The following ASAP2 variants were observed in gnomAD, a reference collection of about 807,000 sequenced individuals.
The protein encoded by ASAP2 is arf-GAP with SH3 domain, ANK repeat and PH domain-containing protein 2.
ASAP2 carries 45 observed loss-of-function variants against 131.4 expected under a neutral mutation model. The ratio of observed to expected loss-of-function variants is 0.34; its 90% CI spans 0.27 to 0.44. The LOEUF (loss-of-function observed/expected upper bound fraction) is 0.44. Among genes scored for constraint, ASAP2 ranks in the 20% least tolerant of loss-of-function variants. The pLI is 1.00. For missense variants in ASAP2, 1,011 were observed against 1,297.0 expected (o/e 0.78, Z 3.39); for synonymous variants, 510 against 503.0 (o/e 1.01, Z -0.19).
At chr2:9,278,613 A>C (rs1046777012) in intron 1 of ASAP2, among the ~76,000 whole-genome samples, 5 of 152,192 alleles carry the variant, frequency 3.3e-5, no homozygotes, top group Admixed American at 2.0e-4. Flanking sequence ...TAGTCGTTGA[A>C]CAGATAACTG....
At chr2:9,391,225 C>A in intron 23 of ASAP2, 29 bp downstream of exon 23, 1 of 1,592,532 alleles carries the variant, frequency 6.3e-7, no homozygotes, top group Non-Finnish European at 8.6e-7. Flanking sequence ...TCCTTTCTTG[C>A]CCGTGGGCTT....
intron 1 of ASAP2, among the ~76,000 whole-genome samples, chr2:9,272,370 CTATT>C (rs1451799332): frequency 6.6e-6 from 1 of 151,954 alleles, no homozygotes; most frequent in African/African-American, 2.4e-5. Context: ...GGAGATATGT[CTATT>C]TATATCTTTT....
Position 9,207,152 on chromosome 2 carries a change from G to T in ASAP2, c.48G>T (p.Glu16Asp). ...SVSEFVAETH[E>D]DYKAPTASSF... ...CGGAATTCGTGGCCGAGACCCATGA[G>T]GACTACAAGGCGCCCACGGCCTCCA... Residue 16 changes from glutamate to aspartate, a missense_variant, in exon 1 of 28, where the codon GAG becomes GAT. Physicochemically the swap from Glu to Asp is conservative, Grantham distance 45 (BLOSUM62 2). Around this residue, in one of 2 missense-constraint regions of ASAP2, gnomAD observed 359 missense variants for 598.1 expected, o/e 0.60. Coordinates refer to ENST00000281419, the MANE Select transcript of ASAP2 (RefSeq NM_003887.3). The surrounding 1 kb of genome is among the most constrained non-coding windows in gnomAD (Gnocchi z 4.1). The T allele has an allele frequency of 6.2e-7, 1 of 1,605,708 alleles. No individual in the cohort carries two copies.
At chr2:9,250,877 CA>C (rs1224931464) in intron 1 of ASAP2, among the ~76,000 whole-genome samples, 1 of 152,210 alleles carries the variant, frequency 6.6e-6, no homozygotes, top group Non-Finnish European at 1.5e-5. Context: ...GGTGGAAATA[CA>C]GAAATAGACA....
chr2:9,252,807 TC>T (rs1664812073), intron 1 of ASAP2, among the ~76,000 whole-genome samples: 2 of 149,978 alleles, frequency 1.3e-5, no homozygotes, highest in African/African-American at 4.9e-5. Flanking sequence ...TCCCAGCTAC[TC>T]GGGAGGCTGA....
chr2:9,329,958 C>T (rs1670722080), intron 7 of ASAP2, among the ~76,000 whole-genome samples: 1 of 152,200 alleles, frequency 6.6e-6, no homozygotes, highest in Admixed American at 6.5e-5. Flanking sequence ...TGCTTGTCTC[C>T]ATGATGACAT....
intron 2 of ASAP2, among the ~76,000 whole-genome samples, chr2:9,282,194 G>C (rs900656384): frequency 3.9e-5 from 6 of 152,160 alleles, no homozygotes; most frequent in African/African-American, 1.4e-4. Context: ...TGTGACCTTG[G>C]AGGGGGTCTC....
In ASAP2 at chr2:9,358,939, T is replaced by G. The variant is rs376268191; in HGVS notation, c.1461+50T>G. The stretch of plus-strand genomic sequence containing the variant: ...GATTGGAAACAAATGAGCTGTAAGC[T>G]AAATTTTACTTTTGGCATTCTAATC... On this transcript the variant is annotated intron_variant, in intron 15 of 27. Transcript: ENST00000281419. 6 of 1,561,082 alleles carry G rather than the reference T, an allele frequency of 3.8e-6. No homozygotes were observed. In the African/African-American group the frequency reaches 8.2e-5, roughly 21 times the overall value.
At position 9,322,576 on chromosome 2, in the gene ASAP2, A is replaced by G. The variant is rs1670223015; in HGVS notation, c.471-545A>G. ...TTGGTCAGTTTTTACCCTGAACTGC[A>G]CACTCGACATTTAGGTAATACAGGT... On this transcript the variant is annotated intron_variant, in intron 5 of 27. Transcript: ENST00000281419. Among the ~76,000 whole-genome samples the G allele has an allele frequency of 2.0e-5, 3 of 152,330 alleles. No individual in the cohort carries two copies. The South Asian group carries it at 6.2e-4, about 32-fold the overall frequency.
intron 19 of ASAP2, 109 bp from the exon 20 acceptor site, chr2:9,380,632 C>T (rs1344285319): frequency 6.0e-6 from 6 of 1,000,724 alleles, no homozygotes; most frequent in African/African-American, 1.6e-5. Flanking sequence ...ATTAACCAGG[C>T]CCAATTTAAT....
chr2:9,396,566 T>C (rs6731034), intron 24 of ASAP2, among the ~76,000 whole-genome samples: 41,793 of 152,212 alleles, frequency 0.27, 10,738 homozygotes, highest in African/African-American at 0.68. Context: ...CATGAGGCAC[T>C]GCGCCTCACC....
In ASAP2 at chr2:9,378,977, C is replaced by T. The variant is rs1407280271; in HGVS notation, c.1866C>T (p.Ser622=). Reference sequence around the variant, plus strand: ...TGGATAAACAGACAGGGAAAGGCAGCACAGCCCTGCACTACTGCTGCCTGA... The same window carrying T: ...TGGATAAACAGACAGGGAAAGGCAGTACAGCCCTGCACTACTGCTGCCTGA... ...GNLDKQTGKG[S]TALHYCCLTD... The change falls in exon 19 of 28, where the codon AGC becomes AGT. Residue 622 remains serine (S), a synonymous_variant. Transcript: ENST00000281419. 2.6e-6 allele frequency: 4 copies of T among 1,530,536 alleles called. No individual in the cohort carries two copies. Among genetic ancestry groups the T allele is most frequent in the Non-Finnish European group, 2.6e-6 (3 of 1,135,830 alleles). 94.8% of individuals were successfully genotyped at this position (1,530,536 alleles called of 1,614,324 possible).
intron 12 of ASAP2, among the ~76,000 whole-genome samples, chr2:9,354,753 A>G (rs568563355): frequency 5.8e-4 from 88 of 152,128 alleles, no homozygotes; most frequent in African/African-American, 2.1e-3. Context: ...TGTTTTTTGC[A>G]GCTTAGCCTC....
chr2:9,336,532 C>T (rs897657518), intron 9 of ASAP2, among the ~76,000 whole-genome samples: 1 of 152,188 alleles, frequency 6.6e-6, no homozygotes, highest in African/African-American at 2.4e-5. Flanking sequence ...GAGGATGCCA[C>T]CCTGCCTTCT....
chr2:9,320,067 A>G (rs972453036), intron 4 of ASAP2, among the ~76,000 whole-genome samples: 1 of 152,212 alleles, frequency 6.6e-6, no homozygotes. Flanking sequence ...GCTTTTGTGT[A>G]CATTTAGTAT....
At chr2:9,292,835 G>A (rs562284791) in intron 2 of ASAP2, among the ~76,000 whole-genome samples, 13 of 152,288 alleles carry the variant, frequency 8.5e-5, no homozygotes, top group Admixed American at 2.6e-4. Context: ...CCCTGTTGCC[G>A]GGCTGGAAAT....
At chr2:9,365,548 T>C (rs1673404965) in intron 15 of ASAP2, among the ~76,000 whole-genome samples, 1 of 152,174 alleles carries the variant, frequency 6.6e-6, no homozygotes, top group African/African-American at 2.4e-5. Context: ...TTTGGCTCAG[T>C]GGGCCCTGCT....
chr2:9,317,276 C>T (rs533006614), intron 3 of ASAP2, among the ~76,000 whole-genome samples: 11 of 151,156 alleles, frequency 7.3e-5, no homozygotes, highest in African/African-American at 2.7e-4. Context: ...CACTCATATC[C>T]ACACCCTCAC....
intron 26 of ASAP2, 33 bp from the exon 27 acceptor site, chr2:9,401,241 C>A: frequency 6.2e-7 from 1 of 1,611,594 alleles, no homozygotes; most frequent in Non-Finnish European, 8.5e-7. Context: ...AGGCCTGCAG[C>A]CACACTAACC....
Sources: allele counts gnomAD v4.1 joint callset (sites outside exome capture counted in the v4.1 genomes callset), GRCh38; gene constraint gnomAD v4.1.1; regional missense constraint gnomAD v4.1.1; non-coding constraint Gnocchi (gnomAD v3.1); transcripts MANE v1.5; gene names NCBI Gene and HGNC (gene_info 2026-07-23, HGNC 2026-07-21).